The following RBFOX1 variants were observed in gnomAD, a reference collection of about 807,000 sequenced individuals.
RBFOX1 encodes RNA binding protein fox-1 homolog 1.
RBFOX1 carries 8 observed loss-of-function variants against 57.7 expected under a neutral mutation model. That is an observed-to-expected ratio of 0.14 (90% CI 0.08 to 0.25). RBFOX1 has a LOEUF of 0.25. Among genes scored for constraint, RBFOX1 ranks in the 10% least tolerant of loss-of-function variants. The pLI is 1.00. For synonymous variants in RBFOX1, 326 were observed against 222.4 expected (o/e 1.47, Z -4.15); for missense variants, 611 against 548.5 (o/e 1.11, Z -1.14).
At chr16:7,117,753 T>G (rs907586565) in intron 4 of RBFOX1, among the ~76,000 whole-genome samples, 5 of 152,172 alleles carry the variant, frequency 3.3e-5, no homozygotes, top group South Asian at 2.1e-4. Context: ...GTTCTCTGCT[T>G]AAAATCTAAT....
chr16:7,402,173 G>A (rs1325072468), intron 4 of RBFOX1, among the ~76,000 whole-genome samples: 1 of 152,154 alleles, frequency 6.6e-6, no homozygotes, highest in African/African-American at 2.4e-5. Flanking sequence ...AACTCGAGCT[G>A]TGATGAGCAA....
At chr16:5,473,817 G>A (rs2069223900) in intron 2 of RBFOX1, among the ~76,000 whole-genome samples, 1 of 149,802 alleles carries the variant, frequency 6.7e-6, no homozygotes. Context: ...TGGGTGGGTG[G>A]AAGGATAGAT....
intron 3 of RBFOX1, among the ~76,000 whole-genome samples, chr16:5,675,170 T>C (rs1337514432): frequency 1.3e-5 from 2 of 152,072 alleles, no homozygotes; most frequent in South Asian, 2.1e-4. Flanking sequence ...TGTATAGATA[T>C]GAATATACAC....
chr16:6,794,629 A>T (rs1280342332), intron 3 of RBFOX1, among the ~76,000 whole-genome samples: 3 of 152,176 alleles, frequency 2.0e-5, no homozygotes, highest in African/African-American at 7.2e-5. Flanking sequence ...GTTTCTAGGC[A>T]TGTAAAGCGG....
At chr16:5,825,765 TA>T (rs2056018608) in intron 3 of RBFOX1, among the ~76,000 whole-genome samples, 10 of 147,426 alleles carry the variant, frequency 6.8e-5, no homozygotes, top group Admixed American at 1.4e-4. Context: ...GAATAAGGAA[TA>T]ATATTCCTTA....
At chr16:6,762,560 C>G (rs1487592871) in intron 3 of RBFOX1, among the ~76,000 whole-genome samples, 1 of 152,100 alleles carries the variant, frequency 6.6e-6, no homozygotes, top group Non-Finnish European at 1.5e-5. Context: ...AAGGTTGAAA[C>G]TCTAGACTAC....
intron 1 of RBFOX1, among the ~76,000 whole-genome samples, chr16:6,150,930 G>A (rs76667567): frequency 2.0e-5 from 3 of 152,084 alleles, no homozygotes; most frequent in Non-Finnish European, 4.4e-5. Flanking sequence ...CACCTTGGGC[G>A]CCCTACATTT....
Position 5,951,271 on chromosome 16 carries a change from A to C in RBFOX1, c.351+83936A>C, listed in dbSNP as rs146348980. 7.2e-4 allele frequency among the ~76,000 whole-genome samples: 110 copies of C among 152,216 alleles called. 2 individuals carry two copies. The East Asian group carries it at 0.021, about 28-fold the overall frequency. On this transcript the variant is annotated intron_variant, in intron 4 of 19. Coordinates refer to the RBFOX1 transcript ENST00000641259. ...GAGACCAGCCTGGAGAACATGATGA[A>C]ACCCTGTCTTTACTAAAAATACAAA...
At chr16:6,951,920 G>C (rs984622593) in intron 3 of RBFOX1, among the ~76,000 whole-genome samples, 1 of 152,140 alleles carries the variant, frequency 6.6e-6, no homozygotes, top group Non-Finnish European at 1.5e-5. Context: ...ATATTTAGTA[G>C]AGATGGGGTT....
At chr16:7,171,457 T>A (rs897436618) in intron 4 of RBFOX1, among the ~76,000 whole-genome samples, 1 of 152,228 alleles carries the variant, frequency 6.6e-6, no homozygotes, top group Non-Finnish European at 1.5e-5. Context: ...TATGTGTGCT[T>A]TTGAACTAGA....
intron 1 of RBFOX1, among the ~76,000 whole-genome samples, chr16:6,160,525 T>G (rs1052454211): frequency 6.6e-6 from 1 of 152,088 alleles, no homozygotes; most frequent in Non-Finnish European, 1.5e-5. Context: ...CATCTTTGAG[T>G]CATTACCACC....
intron 1 of RBFOX1, among the ~76,000 whole-genome samples, chr16:5,367,643 C>G (rs936563007): frequency 6.6e-6 from 1 of 152,176 alleles, no homozygotes; most frequent in Admixed American, 6.5e-5. Context: ...TATTAAATGC[C>G]TGCTCTGTGC....
At chr16:6,609,083 T>A (rs914358850) in intron 2 of RBFOX1, among the ~76,000 whole-genome samples, 1 of 152,160 alleles carries the variant, frequency 6.6e-6, no homozygotes, top group Non-Finnish European at 1.5e-5. Flanking sequence ...ATCTTGATGA[T>A]CCTGAATAAT....
At chr16:6,264,603 C>G (rs1314230668) in intron 1 of RBFOX1, among the ~76,000 whole-genome samples, 1 of 152,134 alleles carries the variant, frequency 6.6e-6, no homozygotes, top group Non-Finnish European at 1.5e-5. Flanking sequence ...TTCTCTTCCT[C>G]TTCAGGACCT....
intron 1 of RBFOX1, among the ~76,000 whole-genome samples, chr16:5,284,536 T>TC (rs1443433116): frequency 6.7e-6 from 1 of 148,528 alleles, no homozygotes; most frequent in East Asian, 2.1e-4. Context: ...GGAAATATTT[T>TC]TTCTTTTTTT....
At chr16:7,536,058 G>A (rs1037935226) in intron 5 of RBFOX1, among the ~76,000 whole-genome samples, 32 of 152,198 alleles carry the variant, frequency 2.1e-4, no homozygotes, top group Non-Finnish European at 4.1e-4. Context: ...ACAGTTGAAT[G>A]CAGCCAGCCA....
chr16:7,542,292 C>A (rs1403919279), intron 5 of RBFOX1, among the ~76,000 whole-genome samples: 1 of 152,106 alleles, frequency 6.6e-6, no homozygotes, highest in African/African-American at 2.4e-5. Context: ...ATACAGGGAC[C>A]TGTGACAAAG....
At chr16:5,799,606 T>A (rs1253666260) in intron 3 of RBFOX1, among the ~76,000 whole-genome samples, 2 of 152,290 alleles carry the variant, frequency 1.3e-5, no homozygotes, top group East Asian at 3.9e-4. Flanking sequence ...TATTATAAAA[T>A]AGGCTTTGTG....
chr16:5,421,130 G>C (rs930413096), intron 1 of RBFOX1, among the ~76,000 whole-genome samples: 1 of 151,248 alleles, frequency 6.6e-6, no homozygotes, highest in Non-Finnish European at 1.5e-5. Context: ...CCTTAGCCTC[G>C]AGAGTAGCTG....
Sources: gnomAD v4.1 joint callset for allele counts (sites outside exome capture counted in the v4.1 genomes callset) on GRCh38, gnomAD v4.1.1 for gene constraint, MANE v1.5 for transcripts, NCBI Gene and HGNC (gene_info 2026-07-23, HGNC 2026-07-21) for gene names.